AKNA: variants seen among roughly 807,000 people sequenced by gnomAD.
AKNA encodes microtubule organization protein AKNA.
AKNA carries 67 observed loss-of-function variants against 138.8 expected under a neutral mutation model. The observed-to-expected ratio is 0.48, with a 90% confidence interval of 0.40 to 0.59. The LOEUF is 0.59. AKNA is among the 20% of genes least tolerant of loss of function. The pLI, the probability that AKNA is intolerant of heterozygous loss-of-function variation, is 0.00. For missense variants in AKNA, 1,813 were observed against 1,880.4 expected, an observed-to-expected ratio of 0.96 and a Z score of 0.66; for synonymous variants, 737 against 754.4, an observed-to-expected ratio of 0.98 and a Z score of 0.38.
downstream of AKNA, among the ~76,000 whole-genome samples, chr9:114,331,201 G>A (rs1401904347): frequency 6.6e-6 from 1 of 152,060 alleles, no homozygotes; most frequent in African/African-American, 2.4e-5. Context: ...ATGTTGGAGA[G>A]GTGGTACCTT....
rs1830052766 is a variant in AKNA at position 114,337,232 on chromosome 9, G to A, written c.4142C>T (p.Ala1381Val). Residue 1381 changes from alanine (A) to valine (V), a missense_variant, in exon 22 of 22, where the codon GCC becomes GTC. By Grantham distance (64) the Ala-to-Val change is moderately conservative (BLOSUM62 0). Coordinates refer to ENST00000374088, the MANE Select transcript of AKNA (RefSeq NM_001317950.2). The stretch of plus-strand genomic sequence containing the variant: ...CTGGATGGAGTGCCGGTGTCTCCGG[G>A]CTGGTGGGGGAGAGGCTGTGGGCGG... ...KWPPTASPPP[A>V]RRHRHSIQLD... 1 of 1,577,156 alleles carries A rather than the reference G, an allele frequency of 6.3e-7. No individual in the cohort carries two copies. Among genetic ancestry groups the A allele is most frequent in the Middle Eastern group, 1.7e-4 (1 of 5,860 alleles).
chr9:114,398,394 A>C (rs1019046830), upstream of AKNA: 2 of 152,058 alleles, frequency 1.3e-5, no homozygotes, highest in African/African-American at 4.8e-5. This position sits in a 1 kb window ranked among gnomAD's most constrained non-coding sequence, Gnocchi z 4.2. Context: ...CCAACGAGGG[A>C]CAGGGACCAC....
chr9:114,393,413 G>C (rs1333279360), intron 1 of AKNA, among the ~76,000 whole-genome samples: 4 of 149,210 alleles, frequency 2.7e-5, no homozygotes, highest in Admixed American at 2.7e-4. Context: ...TTTTAGTAGA[G>C]ACAGGGTTTC....
At chr9:114,374,857 G>A (rs923777088) in intron 3 of AKNA, among the ~76,000 whole-genome samples, 1 of 152,180 alleles carries the variant, frequency 6.6e-6, no homozygotes. Flanking sequence ...GGAACATCTC[G>A]CTGGCCCTTC....
In AKNA at chr9:114,356,042, C is replaced by G; in HGVS notation, c.2941G>C (p.Ala981Pro). ...CTCCGGGGTGTGCTGGGCTCTGTGG[C>G]TCTTCTGGGAATCAGAGAACCCCTG... The part of the protein sequence containing the change: ...KARGSLIPRR[A>P]TEPSTPRSQA... The change falls in exon 14 of 22, where the codon GCC becomes CCC. Residue 981 changes from alanine (A) to proline (P), a missense_variant. Physicochemically the swap from Ala to Pro is conservative, Grantham distance 27. Coordinates refer to ENST00000374088, the MANE Select transcript of AKNA (RefSeq NM_001317950.2). 6.2e-7 allele frequency: 1 copy of G among 1,614,180 alleles called. No individual in the cohort carries two copies. The highest frequency in any genetic ancestry group is 8.5e-7 in the Non-Finnish European group (1 of 1,180,030).
At chr9:114,365,018 T>C (rs1832242186) in intron 6 of AKNA, among the ~76,000 whole-genome samples, 1 of 152,192 alleles carries the variant, frequency 6.6e-6, no homozygotes, top group South Asian at 2.1e-4. Flanking sequence ...CCAAGACCTA[T>C]TTTTCAGTGT....
chr9:114,397,960 C>T (rs1834585138), upstream of AKNA, among the ~76,000 whole-genome samples: 1 of 152,204 alleles, frequency 6.6e-6, no homozygotes, highest in South Asian at 2.1e-4. Flanking sequence ...GTGAACGAAT[C>T]TCACACAAAT....
Position 114,364,619 on chromosome 9 carries a change from C to T in AKNA, c.1729G>A (p.Val577Met). ...ASQASQFLAK[V>M]ESFERLIQAG... ...TGTATCAGTCTTTCAAAGGACTCCA[C>T]CTGGACATTGGGAGGGGAAGGAAAT... is the stretch of plus-strand genomic sequence containing the variant. The change falls in exon 7 of 22, where the codon GTG becomes ATG. Residue 577 changes from valine (V) to methionine (M), a missense_variant and splice_region_variant. Coordinates refer to ENST00000374088, the MANE Select transcript of AKNA (RefSeq NM_001317950.2). 1.2e-6 allele frequency: 2 copies of T among 1,613,962 alleles called. No homozygotes were observed. The highest frequency in any genetic ancestry group is 1.7e-6 in the Non-Finnish European group (2 of 1,180,012).
chr9:114,394,249 T>G (rs938643288), intron 1 of AKNA: 1 of 152,184 alleles, frequency 6.6e-6, no homozygotes, highest in Non-Finnish European at 1.5e-5. Flanking sequence ...TAGGGAAGTT[T>G]ACCATTTTTC....
intron 6 of AKNA, among the ~76,000 whole-genome samples, chr9:114,365,596 G>C (rs1031387056): frequency 6.6e-6 from 1 of 151,864 alleles, no homozygotes; most frequent in Non-Finnish European, 1.5e-5. Flanking sequence ...ATATAAAATA[G>C]AACTATAATG....
intron 21 of AKNA, among the ~76,000 whole-genome samples, chr9:114,340,184 G>T (rs558750753): frequency 6.6e-6 from 1 of 152,174 alleles, no homozygotes; most frequent in African/African-American, 2.4e-5. Context: ...ATGGCGCCTT[G>T]GGTCCCTGCT....
chr9:114,355,861 G>T, intron 14 of AKNA, 64 bp downstream of exon 14: 1 of 1,528,242 alleles, frequency 6.5e-7, no homozygotes, highest in Non-Finnish European at 8.9e-7. Context: ...AAAGGGTTCT[G>T]CAAGTTTTTC....
At chr9:114,359,573 A>G (rs1469311622) in intron 11 of AKNA, 21 bp downstream of exon 11, 1 of 1,611,152 alleles carries the variant, frequency 6.2e-7, no homozygotes, top group South Asian at 1.1e-5. Context: ...AACATTCTGC[A>G]GGAAAGGCTC....
At chr9:114,355,066 G>C (rs1831395140) in intron 14 of AKNA, among the ~76,000 whole-genome samples, 1 of 151,432 alleles carries the variant, frequency 6.6e-6, no homozygotes, top group African/African-American at 2.4e-5. Flanking sequence ...ATAGAGATGG[G>C]GTTTTGTCAT....
In AKNA at chr9:114,335,030, C is replaced by T. The variant is rs1272402230; in HGVS notation, c.*2024G>A. 2 of 152,222 alleles carry T rather than the reference C, an allele frequency of 1.3e-5. No homozygotes were observed. The highest frequency in any genetic ancestry group is 4.8e-5 in the African/African-American group (2 of 41,436). 9.4% of individuals were successfully genotyped at this position (152,222 alleles called of 1,614,324 possible). Reference sequence around the variant, plus strand: ...GGCTCAGAACCTACAGGAAGTTTGTCCATTTCAGTGTTACTTTCAGTGAGA... The same window carrying T: ...GGCTCAGAACCTACAGGAAGTTTGTTCATTTCAGTGTTACTTTCAGTGAGA... On this transcript the variant is annotated 3_prime_UTR_variant, in exon 22 of 22. Transcript: ENST00000374088.
chr9:114,368,551 G>A lies in AKNA; in HGVS notation c.1461C>T (p.His487=), dbSNP rs1832543093. 2 of 1,397,564 alleles carry A rather than the reference G, an allele frequency of 1.4e-6. No individual in the cohort carries two copies. The highest frequency in any genetic ancestry group is 1.9e-6 in the Non-Finnish European group (2 of 1,069,798). 86.6% of individuals were successfully genotyped at this position (1,397,564 alleles called of 1,614,324 possible). A position where few individuals can be genotyped will look rare whatever the true frequency, so the allele number is the denominator to read the frequency against. Residue 487 remains histidine (H), a synonymous_variant, in exon 5 of 22, where the codon CAC becomes CAT. Coordinates refer to ENST00000374088, the MANE Select transcript of AKNA (RefSeq NM_001317950.2). ...SDPPQPNHSI[H]TGMVPQGTKV... is the part of the protein sequence containing the mutation. ...TGGTCCCCTGGGGCACCATTCCCGT[G>A]TGGATGCTGTGGTTGGGCTGGGGTG... is the stretch of plus-strand genomic sequence containing the variant.
chr9:114,344,341 G>A (rs576502090), intron 18 of AKNA: 181 of 154,922 alleles, frequency 1.2e-3, no homozygotes, highest in Middle Eastern at 3.4e-3. Flanking sequence ...GAACGGGGCC[G>A]TATCCGTGTC....
In AKNA at chr9:114,358,145, A is replaced by C; in HGVS notation, c.2515T>G (p.Ser839Ala). The C allele has an allele frequency of 6.2e-7, 1 of 1,614,146 alleles. No individual in the cohort carries two copies. The highest frequency in any genetic ancestry group is 8.5e-7 in the Non-Finnish European group (1 of 1,180,012). ...PLEEATEKMVSMKPPGFQASL... is the reference protein window; with the variant it reads ...PLEEATEKMVAMKPPGFQASL... Reference sequence around the variant, plus strand: ...GCCTGGAAACCTGGTGGCTTCATAGATACCATCTTCTCCGTGGCCTCCCTG... The same window carrying C: ...GCCTGGAAACCTGGTGGCTTCATAGCTACCATCTTCTCCGTGGCCTCCCTG... Residue 839 changes from serine to alanine, a missense_variant, in exon 12 of 22, where the codon TCT becomes GCT. Coordinates refer to ENST00000374088, the MANE Select transcript of AKNA (RefSeq NM_001317950.2).
At chr9:114,376,215 C>A in intron 3 of AKNA, 1 of 358,826 alleles carries the variant, frequency 2.8e-6, no homozygotes, top group Non-Finnish European at 5.2e-6. Context: ...AGGCTCTACC[C>A]CAGGGCTCCC....
Sources: gnomAD v4.1 joint callset for allele counts (sites outside exome capture counted in the v4.1 genomes callset) on GRCh38, gnomAD v4.1.1 for gene constraint, Gnocchi (gnomAD v3.1) non-coding constraint, MANE v1.5 for transcripts, NCBI Gene and HGNC (gene_info 2026-07-23, HGNC 2026-07-21) for gene names.